The following HPSE2 variants were observed in gnomAD, a reference collection of about 807,000 sequenced individuals.
HPSE2 encodes inactive heparanase-2.
A neutral mutation model predicts 60.5 loss-of-function variants in HPSE2; 38 were observed. The ratio of observed to expected loss-of-function variants is 0.63; its 90% CI spans 0.48 to 0.82. The LOEUF (loss-of-function observed/expected upper bound fraction) is 0.82, where lower values mean the gene tolerates loss of function less well. HPSE2 is among the 40% of genes least tolerant of loss of function. The pLI, the probability that HPSE2 is intolerant of heterozygous loss-of-function variation, is 0.00. For missense variants in HPSE2, 713 were observed against 740.4 expected (o/e 0.96, Z 0.43); for synonymous variants, 295 against 293.2 (o/e 1.01, Z -0.06).
intron 3 of HPSE2, among the ~76,000 whole-genome samples, chr10:98,986,065 C>G (rs969596862): frequency 6.6e-6 from 1 of 152,094 alleles, no homozygotes; most frequent in Non-Finnish European, 1.5e-5. Flanking sequence ...ACCCCACTGT[C>G]GACACTAGAC....
intron 2 of HPSE2, among the ~76,000 whole-genome samples, chr10:99,212,269 T>A (rs1475457376): frequency 6.6e-6 from 1 of 151,812 alleles, no homozygotes; most frequent in South Asian, 2.1e-4. Flanking sequence ...AGTACGGAAG[T>A]TCCTCAAGAA....
chr10:98,705,409 C>T (rs763950935), intron 5 of HPSE2, among the ~76,000 whole-genome samples: 8 of 152,098 alleles, frequency 5.3e-5, no homozygotes, highest in East Asian at 3.9e-4. Context: ...TTACTGGGTA[C>T]GCACCCAAAG....
At chr10:98,462,800 C>T (rs924834798) in intron 11 of HPSE2, among the ~76,000 whole-genome samples, 7 of 152,280 alleles carry the variant, frequency 4.6e-5, no homozygotes, top group Non-Finnish European at 7.4e-5. Context: ...CCCTTGACTT[C>T]GGTCACTATC....
chr10:98,614,155 T>A (rs79676899), intron 9 of HPSE2, among the ~76,000 whole-genome samples: 3 of 152,162 alleles, frequency 2.0e-5, no homozygotes, highest in African/African-American at 7.2e-5. Context: ...CTCCCCCATC[T>A]GCTTTCAACA....
chr10:98,545,699 C>G (rs1196066018), intron 9 of HPSE2, among the ~76,000 whole-genome samples: 1 of 151,986 alleles, frequency 6.6e-6, no homozygotes, highest in Admixed American at 6.6e-5. Context: ...CAATATCATA[C>G]TGAATGGGCA....
chr10:98,610,830 C>T (rs1032422048), intron 9 of HPSE2, among the ~76,000 whole-genome samples: 6 of 152,214 alleles, frequency 3.9e-5, no homozygotes, highest in African/African-American at 1.4e-4. Flanking sequence ...TGTGTGAAGA[C>T]AGCCTGGTGT....
chr10:99,069,481 G>A (rs1439710807), intron 3 of HPSE2, among the ~76,000 whole-genome samples: 3 of 151,278 alleles, frequency 2.0e-5, no homozygotes, highest in Non-Finnish European at 4.4e-5. Flanking sequence ...CATATTTCAG[G>A]TTATTACATC....
chr10:98,768,234 T>C (rs72836716), intron 3 of HPSE2, among the ~76,000 whole-genome samples: 2,292 of 152,268 alleles, frequency 0.015, 32 homozygotes, highest in African/African-American at 0.03. Context: ...CATAATTCCC[T>C]ACACTTTTTT....
intron 2 of HPSE2, among the ~76,000 whole-genome samples, chr10:99,165,771 T>C (rs1847055414): frequency 6.6e-6 from 1 of 151,936 alleles, no homozygotes; most frequent in Admixed American, 6.6e-5. Context: ...GGTCTCGAAC[T>C]CCTGACCTGA....
At chr10:98,597,137 A>C (rs1300752787) in intron 9 of HPSE2, among the ~76,000 whole-genome samples, 1 of 152,138 alleles carries the variant, frequency 6.6e-6, no homozygotes, top group Non-Finnish European at 1.5e-5. Context: ...TGCCCCCATG[A>C]TTCAATTACC....
intron 3 of HPSE2, among the ~76,000 whole-genome samples, chr10:98,999,766 G>A (rs1311408269): frequency 6.6e-6 from 1 of 152,128 alleles, no homozygotes; most frequent in Non-Finnish European, 1.5e-5. Context: ...TAGAAAAGAA[G>A]AGGGAACTAA....
In HPSE2 at chr10:99,014,182, CAA is replaced by C. The variant is rs1589518159; in HGVS notation, c.610+130054_610+130055del. Among the ~76,000 whole-genome samples, 9 of 152,340 alleles carry C rather than the reference CAA, an allele frequency of 5.9e-5. No individual in the cohort carries two copies. The East Asian group carries it at 1.7e-3, about 29-fold the overall frequency. On this transcript the variant is annotated intron_variant, in intron 3 of 11. Coordinates refer to ENST00000370552, the MANE Select transcript of HPSE2 (RefSeq NM_021828.5). ...TCACCTGGCTCGTGGACATTGCCAC[CAA>C]GTTGTCTGCAACGAGCCTCGCAAGC...
At chr10:98,985,420 A>T (rs576958941) in intron 3 of HPSE2, among the ~76,000 whole-genome samples, 4 of 152,254 alleles carry the variant, frequency 2.6e-5, no homozygotes, top group East Asian at 3.9e-4. Context: ...GAAATAAAAT[A>T]CTTTACAGAC....
At chr10:98,808,190 T>C (rs929560749) in intron 3 of HPSE2, among the ~76,000 whole-genome samples, 8 of 152,304 alleles carry the variant, frequency 5.3e-5, no homozygotes, top group Admixed American at 1.3e-4. Flanking sequence ...AAGAAACTTC[T>C]GAACCCCAAA....
At chr10:98,654,172 T>G (rs566626) in intron 6 of HPSE2, among the ~76,000 whole-genome samples, 1 of 151,946 alleles carries the variant, frequency 6.6e-6, no homozygotes, top group Non-Finnish European at 1.5e-5. Flanking sequence ...ATATGCCTGG[T>G]TGTAGTTTTC....
intron 2 of HPSE2, among the ~76,000 whole-genome samples, chr10:99,199,779 G>A (rs926152389): frequency 6.6e-6 from 1 of 152,088 alleles, no homozygotes; most frequent in Non-Finnish European, 1.5e-5. Flanking sequence ...ATTCCAAATG[G>A]ATTTTTTGAA....
At chr10:98,682,201 G>A (rs1221587951) in intron 6 of HPSE2, among the ~76,000 whole-genome samples, 3 of 152,104 alleles carry the variant, frequency 2.0e-5, no homozygotes, top group Non-Finnish European at 2.9e-5. Flanking sequence ...AAAAGTGTGT[G>A]GCACTCTCCC....
intron 3 of HPSE2, among the ~76,000 whole-genome samples, chr10:98,997,226 C>T (rs1238256762): frequency 6.7e-6 from 1 of 150,116 alleles, no homozygotes; most frequent in East Asian, 2.0e-4. Context: ...GATTCTTCTG[C>T]CTCAGCCTCC....
At chr10:99,103,430 T>C (rs1381840451) in intron 3 of HPSE2, among the ~76,000 whole-genome samples, 6 of 152,138 alleles carry the variant, frequency 3.9e-5, no homozygotes, top group East Asian at 1.9e-4. Context: ...TTACAAGGGA[T>C]GTGAAGGACC....
Sources: gnomAD v4.1 joint callset for allele counts (sites outside exome capture counted in the v4.1 genomes callset) on GRCh38, gnomAD v4.1.1 for gene constraint, MANE v1.5 for transcripts, NCBI Gene and HGNC (gene_info 2026-07-23, HGNC 2026-07-21) for gene names.